C17orf75: variants seen among roughly 807,000 people sequenced by gnomAD.
C17orf75 encodes the protein chromosome 17 open reading frame 75, also known as protein Njmu-R1.
C17orf75 carries 32 observed loss-of-function variants against 49.6 expected under a neutral mutation model. The ratio of observed to expected loss-of-function variants is 0.65; its 90% CI spans 0.49 to 0.87. The LOEUF (loss-of-function observed/expected upper bound fraction) is 0.87, where lower values mean the gene tolerates loss of function less well. Among genes scored for constraint, C17orf75 ranks in the 40% least tolerant of loss-of-function variants. The pLI is 0.00. For synonymous variants in C17orf75, 158 were observed against 159.5 expected (o/e 0.99, Z 0.07); for missense variants, 428 against 473.9 (o/e 0.90, Z 0.90).
chr17:32,331,662 A>AATC lies in C17orf75; in HGVS notation c.*98_*100dup. On this transcript the variant is annotated 3_prime_UTR_variant, in exon 10 of 10. Coordinates refer to ENST00000577809, the MANE Select transcript of C17orf75 (RefSeq NM_022344.4). ...AAAAGAAAATCTGGATTGAGTTTCA[A>AATC]ATCATCTTAAATAGCAATCCTATGA... 2.1e-6 allele frequency: 2 copies of AATC among 955,502 alleles called. No homozygotes were observed. Among genetic ancestry groups the AATC allele is most frequent in the Non-Finnish European group, 3.1e-6 (2 of 636,054 alleles). The allele number at this position is 955,502 out of a possible 1,614,324, so 59.2% of individuals were successfully genotyped here.
intron 5 of C17orf75, among the ~76,000 whole-genome samples, chr17:32,337,322 G>A (rs188526915): frequency 1.3e-5 from 2 of 152,100 alleles, no homozygotes; most frequent in East Asian, 3.9e-4. Flanking sequence ...AGTTAGCCAG[G>A]CGTGTTGGTA....
intron 1 of C17orf75, among the ~76,000 whole-genome samples, chr17:32,348,111 G>T (rs963226342): frequency 4.0e-5 from 6 of 151,556 alleles, no homozygotes; most frequent in Admixed American, 2.6e-4. Context: ...TCCGCCTCCC[G>T]GGTTCAAGCG....
intron 2 of C17orf75, among the ~76,000 whole-genome samples, chr17:32,340,569 C>A (rs889034046): frequency 6.6e-6 from 1 of 151,104 alleles, no homozygotes; most frequent in Admixed American, 6.6e-5. Flanking sequence ...GGCGTGAACC[C>A]GGGAGGCAGA....
intron 1 of C17orf75, among the ~76,000 whole-genome samples, chr17:32,348,112 G>T (rs2041439790): frequency 6.6e-6 from 1 of 151,842 alleles, no homozygotes; most frequent in Middle Eastern, 3.2e-3. Context: ...CCGCCTCCCG[G>T]GTTCAAGCGA....
intron 1 of C17orf75, among the ~76,000 whole-genome samples, chr17:32,347,986 A>T (rs1344286055): frequency 6.6e-6 from 1 of 150,862 alleles, no homozygotes; most frequent in Admixed American, 6.6e-5. Context: ...CGGCAATTAC[A>T]GGCTTGAGCA....
chr17:32,338,495 G>T, intron 3 of C17orf75, 144 bp from the exon 4 acceptor site: 1 of 780,908 alleles, frequency 1.3e-6, no homozygotes, highest in Non-Finnish European at 1.9e-6. Flanking sequence ...ACTTCTCGTT[G>T]GTGTACTTGC....
chr17:32,341,912 G>GC, intron 1 of C17orf75, 88 bp downstream of exon 1: 2 of 1,129,368 alleles, frequency 1.8e-6, no homozygotes, highest in Non-Finnish European at 2.2e-6. Flanking sequence ...GGGCCGCTGG[G>GC]CCGGGGGTGG....
chr17:32,336,919 G>A (rs1235039989), intron 5 of C17orf75, among the ~76,000 whole-genome samples: 1 of 152,130 alleles, frequency 6.6e-6, no homozygotes, highest in Non-Finnish European at 1.5e-5. Context: ...GCCGAGGCAG[G>A]TGGATTACTT....
chr17:32,331,407 G>A lies in C17orf75; in HGVS notation c.*356C>T, dbSNP rs777360476. On this transcript the variant is annotated 3_prime_UTR_variant, in exon 10 of 10. Coordinates refer to ENST00000577809, the MANE Select transcript of C17orf75 (RefSeq NM_022344.4). Reference sequence around the variant, plus strand: ...CAGTCCACTGAAAAGGAAGTATTATGGTTTTTCTGAGAAGAAAAGTTGCTA... The same window carrying A: ...CAGTCCACTGAAAAGGAAGTATTATAGTTTTTCTGAGAAGAAAAGTTGCTA... 33 of 220,418 alleles carry A rather than the reference G, an allele frequency of 1.5e-4. No homozygotes were observed. Among genetic ancestry groups the A allele is most frequent in the South Asian group, 6.3e-4 (8 of 12,612 alleles). The allele number at this position is 220,418 out of a possible 1,614,324, so 13.7% of individuals were successfully genotyped here.
chr17:32,341,937 CGGCGGGCCGGGGGCGGGGCCGCAGG>C, intron 1 of C17orf75, 38 bp downstream of exon 1: 1 of 1,162,592 alleles, frequency 8.6e-7, no homozygotes, highest in South Asian at 3.0e-5. Context: ...CAAGGCCGGG[CGGCGGGCCGGGGGCGGGGCCGCAGG>C]GGCGGGCGGG....
intron 3 of C17orf75, among the ~76,000 whole-genome samples, chr17:32,339,040 A>G (rs544726241): frequency 2.0e-5 from 3 of 152,194 alleles, no homozygotes; most frequent in Non-Finnish European, 4.4e-5. Flanking sequence ...GCAGTAAGCC[A>G]AGATCATGCT....
upstream of C17orf75, among the ~76,000 whole-genome samples, chr17:32,346,033 T>G (rs1032417727): frequency 1.3e-5 from 2 of 152,292 alleles, no homozygotes; most frequent in South Asian, 2.1e-4. Flanking sequence ...TGTATCTATT[T>G]TAAAATAAAC....
chr17:32,342,975 A>G (rs1402596507), upstream of C17orf75, among the ~76,000 whole-genome samples: 1 of 152,224 alleles, frequency 6.6e-6, no homozygotes, highest in Non-Finnish European at 1.5e-5. Flanking sequence ...TGGGCAATTT[A>G]TAATTAGCTC....
At chr17:32,341,361 G>C in intron 1 of C17orf75, 77 bp from the exon 2 acceptor site, 7 of 1,447,094 alleles carry the variant, frequency 4.8e-6, no homozygotes, top group Non-Finnish European at 5.8e-6. Context: ...GGCAAGCAGG[G>C]TAAGGCAAGG....
At chr17:32,342,403 T>C (rs2041390746), upstream of C17orf75, 1 of 375,820 alleles carries the variant, frequency 2.7e-6, no homozygotes, top group South Asian at 6.9e-5. Context: ...GGAAACTTTC[T>C]ATGTGATAAA....
At chr17:32,337,803 C>T in intron 5 of C17orf75, 94 bp downstream of exon 5, 4 of 1,074,308 alleles carry the variant, frequency 3.7e-6, no homozygotes, top group Non-Finnish European at 5.5e-6. Flanking sequence ...GTGATCTGCC[C>T]ACCTCGGCCT....
At chr17:32,343,865 T>A, upstream of C17orf75, 1 of 677,982 alleles carries the variant, frequency 1.5e-6, no homozygotes, top group Non-Finnish European at 2.7e-6. Context: ...AAGAACTTCC[T>A]GGAGAGGTTG....
chr17:32,334,728 A>G (rs1391193567), intron 7 of C17orf75, 47 bp downstream of exon 7: 24 of 1,567,458 alleles, frequency 1.5e-5, no homozygotes, highest in Non-Finnish European at 2.0e-5. Context: ...CACAGATGTC[A>G]ATCTTGCTGT....
chr17:32,342,946 A>C (rs2041395099), upstream of C17orf75, among the ~76,000 whole-genome samples: 1 of 152,226 alleles, frequency 6.6e-6, no homozygotes, highest in Non-Finnish European at 1.5e-5. Flanking sequence ...TTATGATGCT[A>C]TAAAAGGATA....
Sources: allele counts gnomAD v4.1 joint callset (sites outside exome capture counted in the v4.1 genomes callset), GRCh38; gene constraint gnomAD v4.1.1; transcripts MANE v1.5; gene names NCBI Gene and HGNC (gene_info 2026-07-23, HGNC 2026-07-21).